Variants in ONECUT3 observed in about 807,000 individuals in gnomAD.
ONECUT3 encodes the protein one cut homeobox 3, also known as one cut domain family member 3.
Under a neutral mutation model 16.8 loss-of-function variants are expected in ONECUT3, and 11 were observed. The ratio of observed to expected loss-of-function variants is 0.66; its 90% CI spans 0.41 to 1.09. The LOEUF is 1.09. Among genes scored for constraint, ONECUT3 ranks in the 50% least tolerant of loss-of-function variants. The pLI is 0.00. For synonymous variants in ONECUT3, 344 were observed against 310.7 expected (o/e 1.11, Z -1.13); for missense variants, 637 against 629.9 (o/e 1.01, Z -0.12).
At position 1,762,824 on chromosome 19, in the gene ONECUT3, C is replaced by T. The variant is rs746488856; in HGVS notation, c.1192+7970C>T. Among the ~76,000 whole-genome samples the T allele has an allele frequency of 2.6e-5, 4 of 152,190 alleles. No individual in the cohort carries two copies. The highest frequency in any genetic ancestry group is 1.9e-4 in the East Asian group (1 of 5,176). Reference sequence around the variant, plus strand: ...TTGTCTGGCGCCCCAGAACCGCGGCCGTCCTGGGTGCGCTCAGCTCCAGCG... The same window carrying T: ...TTGTCTGGCGCCCCAGAACCGCGGCTGTCCTGGGTGCGCTCAGCTCCAGCG... On this transcript the variant is annotated intron_variant, in intron 1 of 1. Coordinates refer to ENST00000382349, the MANE Select transcript of ONECUT3 (RefSeq NM_001080488.2). The surrounding 1 kb of genome is among the most constrained non-coding windows in gnomAD (Gnocchi z 4.4).
In ONECUT3 at chr19:1,764,347, G is replaced by A. The variant is rs1446303643; in HGVS notation, c.1192+9493G>A. On this transcript the variant is annotated intron_variant, in intron 1 of 1. Coordinates refer to ENST00000382349, the MANE Select transcript of ONECUT3 (RefSeq NM_001080488.2). The surrounding 1 kb of genome is among the most constrained non-coding windows in gnomAD (Gnocchi z 5.0). ...AGCCCGAGAGTCCAAGTGGAAATGC[G>A]TTTCCCGGTTAAGTCTTTGAAGGCT... 6.6e-6 allele frequency among the ~76,000 whole-genome samples: 1 copy of A among 152,150 alleles called. No individual in the cohort carries two copies. Among genetic ancestry groups the A allele is most frequent in the African/African-American group, 2.4e-5 (1 of 41,438 alleles).
chr19:1,769,704 C>A (rs560613059), intron 1 of ONECUT3, among the ~76,000 whole-genome samples: 1 of 151,918 alleles, frequency 6.6e-6, no homozygotes, highest in African/African-American at 2.4e-5. Context: ...CCTCTGTCAG[C>A]GGCTGTGGGG....
chr19:1,761,040 C>A (rs2067943702), intron 1 of ONECUT3, among the ~76,000 whole-genome samples: 1 of 136,970 alleles, frequency 7.3e-6, no homozygotes, highest in South Asian at 2.3e-4. Context: ...AGCTCCATTC[C>A]TGCTCTTTTT....
rs1264394608 is a variant in ONECUT3 at position 1,766,149 on chromosome 19, C to A, written c.1193-9004C>A. On this transcript the variant is annotated intron_variant, in intron 1 of 1. Coordinates refer to ENST00000382349, the MANE Select transcript of ONECUT3 (RefSeq NM_001080488.2). This position sits in a 1 kb window ranked among gnomAD's most constrained non-coding sequence, Gnocchi z 4.0. ...GGGTTTGGATGTGCAAGGCTGCCGA[C>A]CCCCATCGTGGTTGAGCGCCCGTGC... 6.6e-6 allele frequency among the ~76,000 whole-genome samples: 1 copy of A among 152,258 alleles called. No individual in the cohort carries two copies. The highest frequency in any genetic ancestry group is 1.9e-4 in the East Asian group (1 of 5,200).
rs146475083 is a variant in ONECUT3, at chr19:1,764,988, AG to A, written c.1192+10138del. Among the ~76,000 whole-genome samples, 3,676 of 152,038 alleles carry A rather than the reference AG, an allele frequency of 0.024. 161 individuals are homozygous for A. The highest frequency in any genetic ancestry group is 0.083 in the African/African-American group (3,436 of 41,416). ...CCCTGAAGCCAGAGGTGGCTGAGGG[AG>A]GGGATCTCCAGCTCCAGGACACAGG... On this transcript the variant is annotated intron_variant, in intron 1 of 1. Transcript: ENST00000382349. The surrounding 1 kb of genome is among the most constrained non-coding windows in gnomAD (Gnocchi z 5.0).
In ONECUT3 at chr19:1,758,628, C is replaced by T. The variant is rs574275792; in HGVS notation, c.1192+3774C>T. ...CCGTCGTCTGGGAGTCCTGCAGCCC[C>T]CAAGCCCATTCCCATGGGGCTGGGA... On this transcript the variant is annotated intron_variant, in intron 1 of 1. Coordinates refer to ENST00000382349, the MANE Select transcript of ONECUT3 (RefSeq NM_001080488.2). This position sits in a 1 kb window ranked among gnomAD's most constrained non-coding sequence, Gnocchi z 5.9. Among the ~76,000 whole-genome samples, 24 of 152,292 alleles carry T rather than the reference C, an allele frequency of 1.6e-4. No homozygotes were observed. The East Asian group carries it at 1.7e-3, about 11-fold the overall frequency.
Position 1,755,802 on chromosome 19 carries a change from C to T in ONECUT3, c.1192+948C>T. On this transcript the variant is annotated intron_variant, in intron 1 of 1. Transcript: ENST00000382349. This position sits in a 1 kb window ranked among gnomAD's most constrained non-coding sequence, Gnocchi z 7.5. ...CGGCCCCCTGGGGACCCTCCTCCCT[C>T]CTCCCTCCCAGCTGACAACAGCTAA... is the stretch of plus-strand genomic sequence containing the variant. Among the ~76,000 whole-genome samples the T allele has an allele frequency of 6.6e-6, 1 of 152,214 alleles. No homozygotes were observed. The highest frequency in any genetic ancestry group is 1.9e-4 in the East Asian group (1 of 5,208).
rs1893957857 is a variant in ONECUT3 at position 1,777,923 on chromosome 19, A to G, written c.*2478A>G. ...GGCAGGAGAATCTCTTGAAACTGGA[A>G]GGCAGAGGTTGCAGTGAGCCGAGAT... is the stretch of plus-strand genomic sequence containing the variant. On this transcript the variant is annotated 3_prime_UTR_variant, in exon 2 of 2. Transcript: ENST00000382349. 1 of 145,536 alleles carries G rather than the reference A, an allele frequency of 6.9e-6. No homozygotes were observed. Among genetic ancestry groups the G allele is most frequent in the Admixed American group, 7.0e-5 (1 of 14,378 alleles). 9.0% of individuals were successfully genotyped at this position (145,536 alleles called of 1,614,324 possible).
Position 1,753,751 on chromosome 19 carries a change from C to T in ONECUT3, c.89C>T (p.Ser30Leu). The T allele has an allele frequency of 3.0e-6, 3 of 1,009,024 alleles. No individual in the cohort carries two copies. The highest frequency in any genetic ancestry group is 3.5e-6 in the Non-Finnish European group (3 of 847,406). The allele number at this position is 1,009,024 out of a possible 1,614,324, so 62.5% of individuals were successfully genotyped here. Residue 30 changes from serine to leucine, a missense_variant, in exon 1 of 2, where the codon TCG (serine) becomes TTG (leucine). Physicochemically the swap from Ser to Leu is moderately radical, Grantham distance 145. This residue lies in a region of ONECUT3 where 419 missense variants were observed against 377.9 expected (regional missense o/e 1.11). Coordinates refer to ENST00000382349, the MANE Select transcript of ONECUT3 (RefSeq NM_001080488.2). The part of the protein sequence containing the change: ...GELLSPGHAR[S>L]AAAQHRGLVA... Reference sequence around the variant, plus strand: ...CTGCTGAGCCCGGGCCACGCGCGCTCGGCGGCGGCGCAGCACCGCGGCCTG... The same window carrying T: ...CTGCTGAGCCCGGGCCACGCGCGCTTGGCGGCGGCGCAGCACCGCGGCCTG...
In ONECUT3 at chr19:1,754,578, GGCGGGAGCGGCGGCGGCCCCA is replaced by G. The variant is rs2067906901; in HGVS notation, c.920_940del (p.Gly307_Ser313del). On this transcript the variant is annotated inframe_deletion, in exon 1 of 2. Transcript: ENST00000382349. The surrounding 1 kb of genome is among the most constrained non-coding windows in gnomAD (Gnocchi z 7.4). ...GCCGCACGGGGGAGGCGGCGGCCCC[GGCGGGAGCGGCGGCGGCCCCA>G]GCGCGGGCGCAGCGGCCGAGGAGAT... 5 of 1,216,490 alleles carry G rather than the reference GGCGGGAGCGGCGGCGGCCCCA, an allele frequency of 4.1e-6. No individual in the cohort carries two copies. Among genetic ancestry groups the G allele is most frequent in the Non-Finnish European group, 3.1e-6 (3 of 969,934 alleles). 75.4% of individuals were successfully genotyped at this position (1,216,490 alleles called of 1,614,324 possible).
At chr19:1,771,428 A>G (rs1459480972) in intron 1 of ONECUT3, among the ~76,000 whole-genome samples, 1 of 152,066 alleles carries the variant, frequency 6.6e-6, no homozygotes, top group Non-Finnish European at 1.5e-5. Context: ...TCTTTATTGC[A>G]CCTTCATGTT....
Position 1,775,355 on chromosome 19 carries a change from G to A in ONECUT3, c.1395G>A (p.Ala465=). 1.3e-6 allele frequency: 2 copies of A among 1,573,366 alleles called. No homozygotes were observed. Among genetic ancestry groups the A allele is most frequent in the Non-Finnish European group, 1.7e-6 (2 of 1,161,342 alleles). ...LNTVSNFFMN[A]RRRCMNRWAE... is the part of the protein sequence containing the mutation. ...CCGTCAGCAACTTCTTCATGAACGCGCGGCGCCGCTGCATGAACCGCTGGG... is the reference window on the plus strand; with the variant it reads ...CCGTCAGCAACTTCTTCATGAACGCACGGCGCCGCTGCATGAACCGCTGGG... Residue 465 remains alanine (A), a synonymous_variant, in exon 2 of 2, where the codon GCG becomes GCA. Transcript: ENST00000382349.
At position 1,753,884 on chromosome 19, in the gene ONECUT3, G is replaced by T. The variant is rs1019814947; in HGVS notation, c.222G>T (p.Ala74=). The change falls in exon 1 of 2, where the codon GCG becomes GCT. Residue 74 remains alanine (A), a synonymous_variant. Coordinates refer to ENST00000382349, the MANE Select transcript of ONECUT3 (RefSeq NM_001080488.2). ...GGGGCGCGGGCGGCGCGGGCAGCGC[G>T]GGCGGCGGCGCGGACTTCCGCGGGG... ...GAGGAGGAGS[A]GGGADFRGEL... is the part of the protein sequence containing the mutation. 180 of 979,790 alleles carry T rather than the reference G, an allele frequency of 1.8e-4. No individual in the cohort carries two copies. In the Admixed American group the frequency reaches 2.7e-3, roughly 15 times the overall value. The allele number at this position is 979,790 out of a possible 1,614,324, so 60.7% of individuals were successfully genotyped here. A position where few individuals can be genotyped will look rare whatever the true frequency, so the allele number is the denominator to read the frequency against.
Position 1,775,469 on chromosome 19 carries a change from C to T in ONECUT3, c.*24C>T. ...GAGGCGCCCCGGCCCCGCGCCCTCC[C>T]TGCCTCCACGGCCTGGGCGCTGTGC... is the stretch of plus-strand genomic sequence containing the variant. On this transcript the variant is annotated 3_prime_UTR_variant, in exon 2 of 2. Transcript: ENST00000382349. 6.9e-7 allele frequency: 1 copy of T among 1,442,582 alleles called. No homozygotes were observed. The highest frequency in any genetic ancestry group is 9.0e-7 in the Non-Finnish European group (1 of 1,105,692). The allele number at this position is 1,442,582 out of a possible 1,614,324, so 89.4% of individuals were successfully genotyped here. A position where few individuals can be genotyped will look rare whatever the true frequency, so the allele number is the denominator to read the frequency against.
In ONECUT3 at chr19:1,754,670, C is replaced by G; in HGVS notation, c.1008C>G (p.Arg336=). 1.3e-6 allele frequency: 2 copies of G among 1,527,350 alleles called. No homozygotes were observed. The highest frequency in any genetic ancestry group is 1.8e-6 in the Non-Finnish European group (2 of 1,138,078). 94.6% of individuals were successfully genotyped at this position (1,527,350 alleles called of 1,614,324 possible). Residue 336 remains arginine (R), a synonymous_variant, in exon 1 of 2, where the codon CGC becomes CGG. Coordinates refer to ENST00000382349, the MANE Select transcript of ONECUT3 (RefSeq NM_001080488.2). The surrounding 1 kb of genome is among the most constrained non-coding windows in gnomAD (Gnocchi z 7.4). ...AGCGCATCACGGCGGAGCTGAAGCG[C>G]TACAGCATCCCGCAGGCAATCTTCG... ...VAQRITAELK[R]YSIPQAIFAQ...
intron 1 of ONECUT3, among the ~76,000 whole-genome samples, chr19:1,765,456 G>A (rs1346657958): frequency 6.6e-6 from 1 of 152,164 alleles, no homozygotes; most frequent in Non-Finnish European, 1.5e-5. Context: ...ACCCAAAGGC[G>A]TCCTCTCTCC....
intron 1 of ONECUT3, among the ~76,000 whole-genome samples, chr19:1,756,639 T>C (rs1435330568): frequency 2.0e-5 from 3 of 151,404 alleles, no homozygotes; most frequent in Non-Finnish European, 4.4e-5. Flanking sequence ...AAGCGATTCT[T>C]CCGCCTTAGC....
In ONECUT3 at chr19:1,753,849, G is replaced by A; in HGVS notation, c.187G>A (p.Gly63Arg). Residue 63 changes from glycine (G) to arginine (R), a missense_variant, in exon 1 of 2, where the codon GGG becomes AGG. Around this residue, in one of 3 missense-constraint regions of ONECUT3, gnomAD observed 419 missense variants for 377.9 expected, o/e 1.11. Coordinates refer to ENST00000382349, the MANE Select transcript of ONECUT3 (RefSeq NM_001080488.2). ...LLDGGGGGGG[G>R]GAGGAGGAGS... ...GGACGGCGGCGGCGGCGGCGGCGGTGGGGGCGCCGGGGGCGCGGGCGGCGC... is the reference window on the plus strand; with the variant it reads ...GGACGGCGGCGGCGGCGGCGGCGGTAGGGGCGCCGGGGGCGCGGGCGGCGC... The A allele has an allele frequency of 9.3e-6, 9 of 971,100 alleles. No homozygotes were observed. The highest frequency in any genetic ancestry group is 1.1e-5 in the Non-Finnish European group (9 of 820,066). The allele number at this position is 971,100 out of a possible 1,614,324, so 60.2% of individuals were successfully genotyped here. A position where few individuals can be genotyped will look rare whatever the true frequency, so the allele number is the denominator to read the frequency against.
rs1344759596 is a variant in ONECUT3, at chr19:1,775,422, A to G, written c.1462A>G (p.Thr488Ala). 1 of 1,526,560 alleles carries G rather than the reference A, an allele frequency of 6.6e-7. No homozygotes were observed. The highest frequency in any genetic ancestry group is 2.6e-5 in the East Asian group (1 of 38,852). The allele number at this position is 1,526,560 out of a possible 1,614,324, so 94.6% of individuals were successfully genotyped here. A position where few individuals can be genotyped will look rare whatever the true frequency, so the allele number is the denominator to read the frequency against. Residue 488 changes from threonine (T) to alanine (A), a missense_variant, in exon 2 of 2, where the codon ACG (threonine) becomes GCG (alanine). Around this residue, in one of 3 missense-constraint regions of ONECUT3, gnomAD observed 183 missense variants for 188.3 expected, o/e 0.97. Coordinates refer to ENST00000382349, the MANE Select transcript of ONECUT3 (RefSeq NM_001080488.2). Reference protein sequence around the residue: ...STAPGGPAGATATFSKA With the variant: ...STAPGGPAGAAATFSKA ...GGCCCCCGGGGGCCCCGCCGGCGCCACGGCCACTTTCTCCAAGGCCTGAGG... is the reference window on the plus strand; with the variant it reads ...GGCCCCCGGGGGCCCCGCCGGCGCCGCGGCCACTTTCTCCAAGGCCTGAGG...
Sources: allele counts gnomAD v4.1 joint callset (sites outside exome capture counted in the v4.1 genomes callset), GRCh38; gene constraint gnomAD v4.1.1; regional missense constraint gnomAD v4.1.1; non-coding constraint Gnocchi (gnomAD v3.1); transcripts MANE v1.5; gene names NCBI Gene and HGNC (gene_info 2026-07-23, HGNC 2026-07-21).